LMBRD1: variants seen among roughly 807,000 people sequenced by gnomAD.
The protein encoded by LMBRD1 is LMBR1 domain containing 1.
In LMBRD1, 64 loss-of-function variants were observed where a neutral mutation model predicts 74.8. That is an observed-to-expected ratio of 0.86 (90% confidence interval 0.70 to 1.05). The LOEUF (loss-of-function observed/expected upper bound fraction) is 1.05. LMBRD1 is among the 50% of genes least tolerant of loss of function. The probability of loss-of-function intolerance (pLI) is 0.00; values close to 1 mark genes in which losing one functional copy is unlikely to be tolerated. For synonymous variants in LMBRD1, 204 were observed against 216.3 expected, an observed-to-expected ratio of 0.94 and a Z score of 0.50; for missense variants, 652 against 645.9, an observed-to-expected ratio of 1.01 and a Z score of -0.10.
intron 3 of LMBRD1, among the ~76,000 whole-genome samples, chr6:69,772,848 T>G (rs1440555641): frequency 2.6e-5 from 4 of 152,170 alleles, no homozygotes; most frequent in Non-Finnish European, 5.9e-5. Flanking sequence ...AGTCAGTTCT[T>G]TCAATATTAA....
intron 8 of LMBRD1, among the ~76,000 whole-genome samples, chr6:69,714,676 C>T (rs1420724791): frequency 1.3e-5 from 2 of 152,124 alleles, no homozygotes; most frequent in African/African-American, 4.8e-5. Context: ...AGATACACAA[C>T]ATATTGCTCT....
At chr6:69,685,916 A>G (rs1562083142) in intron 14 of LMBRD1, among the ~76,000 whole-genome samples, 1 of 152,222 alleles carries the variant, frequency 6.6e-6, no homozygotes, top group Non-Finnish European at 1.5e-5. Context: ...CTCTAAGTTA[A>G]GGTAAAATCA....
chr6:69,764,159 C>A (rs1765430587), intron 3 of LMBRD1, among the ~76,000 whole-genome samples: 1 of 152,040 alleles, frequency 6.6e-6, no homozygotes, highest in Non-Finnish European at 1.5e-5. Context: ...TAAGTTTGTC[C>A]CCCCAGAATT....
chr6:69,782,144 C>T (rs1765844883), intron 2 of LMBRD1, among the ~76,000 whole-genome samples: 1 of 152,162 alleles, frequency 6.6e-6, no homozygotes, highest in Non-Finnish European at 1.5e-5. Flanking sequence ...TGAATCGATC[C>T]TAAAAATATT....
chr6:69,717,314 A>G (rs1269251293), intron 8 of LMBRD1, among the ~76,000 whole-genome samples: 1 of 152,066 alleles, frequency 6.6e-6, no homozygotes, highest in Non-Finnish European at 1.5e-5. Context: ...TTATATGTAA[A>G]TTCTAAATTA....
chr6:69,688,081 T>G (rs955348521), intron 14 of LMBRD1, among the ~76,000 whole-genome samples: 2 of 152,096 alleles, frequency 1.3e-5, no homozygotes, highest in African/African-American at 4.8e-5. Context: ...ACCATTAGGC[T>G]CACAGTACCA....
intron 3 of LMBRD1, among the ~76,000 whole-genome samples, chr6:69,752,897 A>C (rs1765192426): frequency 1.3e-5 from 2 of 152,196 alleles, no homozygotes; most frequent in African/African-American, 4.8e-5. Context: ...GAAAAGGTAA[A>C]AAGAATAGTA....
At chr6:69,766,391 T>C (rs1041237456) in intron 3 of LMBRD1, among the ~76,000 whole-genome samples, 1 of 151,992 alleles carries the variant, frequency 6.6e-6, no homozygotes, top group Non-Finnish European at 1.5e-5. Flanking sequence ...TGGAATTTTT[T>C]TTGCATCTAT....
intron 3 of LMBRD1, among the ~76,000 whole-genome samples, chr6:69,762,760 G>A (rs966990285): frequency 6.6e-6 from 1 of 152,112 alleles, no homozygotes; most frequent in African/African-American, 2.4e-5. Context: ...AGAAGAGGAA[G>A]AGAGACCAGA....
At chr6:69,700,742 AT>A (rs1562089678) in intron 12 of LMBRD1, 22 bp downstream of exon 12, 1 of 1,402,152 alleles carries the variant, frequency 7.1e-7, no homozygotes, top group Non-Finnish European at 9.6e-7. Flanking sequence ...TGAGAAAAAA[AT>A]AATACTGTAA....
chr6:69,677,531 C>G (rs1171704751), intron 14 of LMBRD1, among the ~76,000 whole-genome samples: 1 of 152,012 alleles, frequency 6.6e-6, no homozygotes, highest in Non-Finnish European at 1.5e-5. Flanking sequence ...GAAAGAAGGG[C>G]AAGGGAAGGT....
chr6:69,709,631 G>T (rs1390215682), intron 9 of LMBRD1, among the ~76,000 whole-genome samples: 4 of 152,142 alleles, frequency 2.6e-5, no homozygotes, highest in Admixed American at 2.6e-4. Context: ...CTGTCTTTTA[G>T]CAGCTGATAT....
chr6:69,760,999 G>A (rs927158231), intron 3 of LMBRD1, among the ~76,000 whole-genome samples: 9 of 152,074 alleles, frequency 5.9e-5, no homozygotes, highest in African/African-American at 9.7e-5. Context: ...GAACCTGACC[G>A]AGCACACCCA....
chr6:69,759,364 A>C (rs1404982675), intron 3 of LMBRD1, among the ~76,000 whole-genome samples: 2 of 152,140 alleles, frequency 1.3e-5, no homozygotes, highest in Non-Finnish European at 2.9e-5. Context: ...AAGAATAATA[A>C]GACAAAGAAA....
intron 3 of LMBRD1, among the ~76,000 whole-genome samples, chr6:69,758,290 T>C (rs1159706197): frequency 1.3e-5 from 2 of 152,128 alleles, no homozygotes; most frequent in Non-Finnish European, 2.9e-5. Context: ...GAATAATTAG[T>C]CATTACAAAG....
chr6:69,679,375 G>A (rs972644589), intron 14 of LMBRD1, among the ~76,000 whole-genome samples: 1 of 151,916 alleles, frequency 6.6e-6, no homozygotes, highest in African/African-American at 2.4e-5. Context: ...CATTTACTTC[G>A]TGCTCCCACC....
intron 7 of LMBRD1, among the ~76,000 whole-genome samples, chr6:69,721,527 C>A (rs565247058): frequency 3.7e-4 from 57 of 152,282 alleles, no homozygotes; most frequent in Middle Eastern, 6.8e-3. Flanking sequence ...GATTGATTAC[C>A]TGCTGACTAA....
chr6:69,749,306 A>C, intron 5 of LMBRD1, 35 bp downstream of exon 5: 30 of 1,329,084 alleles, frequency 2.3e-5, no homozygotes, highest in Non-Finnish European at 2.9e-5. Flanking sequence ...TTCTATTTCC[A>C]TTTCATGGTT....
chr6:69,768,058 T>C (rs1345547203), intron 3 of LMBRD1, among the ~76,000 whole-genome samples: 1 of 151,952 alleles, frequency 6.6e-6, no homozygotes, highest in East Asian at 1.9e-4. Flanking sequence ...TTTAACCATA[T>C]ACTATTTGTG....
Sources: gnomAD v4.1 joint callset for allele counts (sites outside exome capture counted in the v4.1 genomes callset) on GRCh38, gnomAD v4.1.1 for gene constraint, MANE v1.5 for transcripts, NCBI Gene and HGNC (gene_info 2026-07-23, HGNC 2026-07-21) for gene names.